CPQ: variants seen among roughly 807,000 people sequenced by gnomAD.
CPQ encodes the protein Ser-Met dipeptidase.
A neutral mutation model predicts 45.7 loss-of-function variants in CPQ; 37 were observed. The ratio of observed to expected loss-of-function variants is 0.81; its 90% CI spans 0.62 to 1.07. The LOEUF (loss-of-function observed/expected upper bound fraction) is 1.07, where lower values mean the gene tolerates loss of function less well. Among genes scored for constraint, CPQ ranks in the 50% least tolerant of loss-of-function variants. The probability of loss-of-function intolerance (pLI) is 0.00; values close to 1 mark genes in which losing one functional copy is unlikely to be tolerated. For synonymous variants in CPQ, 186 were observed against 205.8 expected, an observed-to-expected ratio of 0.90 and a Z score of 0.82; for missense variants, 537 against 572.9, an observed-to-expected ratio of 0.94 and a Z score of 0.64.
At chr8:97,128,514 G>A (rs571536783) in intron 7 of CPQ, among the ~76,000 whole-genome samples, 2 of 152,186 alleles carry the variant, frequency 1.3e-5, no homozygotes, top group South Asian at 2.1e-4. Flanking sequence ...GTGAAACCTC[G>A]TTTCTACTAA....
At chr8:96,849,589 G>A (rs1811744380) in intron 3 of CPQ, among the ~76,000 whole-genome samples, 1 of 152,174 alleles carries the variant, frequency 6.6e-6, no homozygotes, top group South Asian at 2.1e-4. Flanking sequence ...AGTCAATCCA[G>A]TGCTGCTCCA....
intron 7 of CPQ, among the ~76,000 whole-genome samples, chr8:97,068,983 A>G (rs992847178): frequency 6.6e-6 from 1 of 152,180 alleles, no homozygotes; most frequent in Non-Finnish European, 1.5e-5. Flanking sequence ...TATCTTACTC[A>G]GCTCTTGCTT....
At chr8:97,119,973 A>G (rs1337684531) in intron 7 of CPQ, among the ~76,000 whole-genome samples, 3 of 152,208 alleles carry the variant, frequency 2.0e-5, no homozygotes, top group African/African-American at 7.2e-5. Flanking sequence ...GTAGCACATA[A>G]GCTGGTTTAC....
At chr8:96,658,843 G>A (rs978591790) in intron 1 of CPQ, among the ~76,000 whole-genome samples, 1 of 152,214 alleles carries the variant, frequency 6.6e-6, no homozygotes, top group Admixed American at 6.5e-5. Context: ...AGGAAAGCAA[G>A]GAAATAGATT....
intron 5 of CPQ, among the ~76,000 whole-genome samples, chr8:96,976,376 C>A (rs1397107054): frequency 6.6e-6 from 1 of 151,740 alleles, no homozygotes; most frequent in African/African-American, 2.4e-5. Context: ...GGAAACACAT[C>A]CCATGCTCAT....
chr8:96,908,202 A>G (rs1392133068), intron 4 of CPQ, among the ~76,000 whole-genome samples: 2 of 151,626 alleles, frequency 1.3e-5, no homozygotes, highest in African/African-American at 4.8e-5. Flanking sequence ...GAGAGAGAGA[A>G]GAGAGAGACA....
intron 3 of CPQ, among the ~76,000 whole-genome samples, chr8:96,835,436 C>T (rs921119480): frequency 3.9e-5 from 6 of 152,176 alleles, no homozygotes; most frequent in South Asian, 2.1e-4. Flanking sequence ...GATCCCATTA[C>T]ATTCCTTATA....
At chr8:97,025,207 G>A (rs771934062) in intron 5 of CPQ, among the ~76,000 whole-genome samples, 5 of 151,560 alleles carry the variant, frequency 3.3e-5, no homozygotes, top group Non-Finnish European at 5.9e-5. Context: ...TTAAATTTAA[G>A]AATAATGAAA....
intron 1 of CPQ, among the ~76,000 whole-genome samples, chr8:96,695,807 A>T (rs1809371128): frequency 6.6e-6 from 1 of 150,964 alleles, no homozygotes; most frequent in South Asian, 2.1e-4. Context: ...GCTGGAGAGG[A>T]TGTGGAGAAA....
intron 2 of CPQ, among the ~76,000 whole-genome samples, chr8:96,798,074 G>T (rs1196789829): frequency 1.3e-5 from 2 of 151,438 alleles, no homozygotes; most frequent in East Asian, 3.9e-4. Context: ...GTTAAAGTAG[G>T]TTCTCCTTCA....
At chr8:96,975,890 A>G (rs1813770582) in intron 5 of CPQ, among the ~76,000 whole-genome samples, 1 of 152,080 alleles carries the variant, frequency 6.6e-6, no homozygotes, top group African/African-American at 2.4e-5. Flanking sequence ...ATTATACTGA[A>G]TAGGGAAAGT....
At chr8:96,739,404 TG>T (rs1232885364) in intron 1 of CPQ, among the ~76,000 whole-genome samples, 1 of 81,808 alleles carries the variant, frequency 1.2e-5, no homozygotes, top group East Asian at 3.3e-4. Flanking sequence ...TCTCCCATTT[TG>T]TAGGTTGCCT....
At chr8:96,987,797 C>T (rs1286526971) in intron 5 of CPQ, among the ~76,000 whole-genome samples, 1 of 152,062 alleles carries the variant, frequency 6.6e-6, no homozygotes, top group Non-Finnish European at 1.5e-5. Flanking sequence ...CAGTTATTTC[C>T]TCTTATGGAA....
intron 1 of CPQ, among the ~76,000 whole-genome samples, chr8:96,707,654 A>G (rs1563474825): frequency 6.6e-6 from 1 of 151,838 alleles, no homozygotes. Flanking sequence ...AAACAACACA[A>G]TTTCATTTTA....
chr8:96,800,065 A>G (rs1444210359), intron 2 of CPQ, among the ~76,000 whole-genome samples: 1 of 152,206 alleles, frequency 6.6e-6, no homozygotes, highest in East Asian at 1.9e-4. Context: ...TACCATGAAC[A>G]AAGCCATTAG....
intron 4 of CPQ, among the ~76,000 whole-genome samples, chr8:96,950,922 C>T (rs1235298677): frequency 1.3e-5 from 2 of 152,034 alleles, no homozygotes; most frequent in African/African-American, 2.4e-5. Flanking sequence ...CTTCAAATCC[C>T]GGCCTGCTTG....
At chr8:97,083,118 T>G (rs575896875) in intron 7 of CPQ, among the ~76,000 whole-genome samples, 2 of 152,322 alleles carry the variant, frequency 1.3e-5, no homozygotes, top group South Asian at 4.1e-4. Context: ...ATGAGGGCAA[T>G]AATATTTCAA....
At chr8:97,036,772 G>A (rs1008490747) in intron 6 of CPQ, among the ~76,000 whole-genome samples, 3 of 152,140 alleles carry the variant, frequency 2.0e-5, no homozygotes, top group Admixed American at 6.5e-5. Flanking sequence ...AAGGTAATCT[G>A]GCCTTGAGAA....
intron 1 of CPQ, among the ~76,000 whole-genome samples, chr8:96,753,718 C>T (rs1023063404): frequency 6.6e-6 from 1 of 152,010 alleles, no homozygotes; most frequent in African/African-American, 2.4e-5. Flanking sequence ...AGCAATCATA[C>T]CTTCTGCAAA....
Sources: gnomAD v4.1 joint callset for allele counts (sites outside exome capture counted in the v4.1 genomes callset) on GRCh38, gnomAD v4.1.1 for gene constraint, MANE v1.5 for transcripts, NCBI Gene and HGNC (gene_info 2026-07-23, HGNC 2026-07-21) for gene names.